Variants in FANCA observed in about 807,000 individuals in gnomAD.
FANCA encodes the protein Fanconi anemia group A protein.
FANCA carries 236 observed loss-of-function variants against 194.3 expected under a neutral mutation model. The observed-to-expected ratio is 1.21, with a 90% CI of 1.09 to 1.35. FANCA has a LOEUF of 1.35. Among genes scored for constraint, FANCA ranks in the 40% most tolerant of loss-of-function variants. The pLI, the probability that FANCA is intolerant of heterozygous loss-of-function variation, is 0.00. For synonymous variants in FANCA, 1,014 were observed against 715.8 expected (o/e 1.42, Z -6.65); for missense variants, 2,628 against 1,813.9 (o/e 1.45, Z -8.15).
chr16:89,810,065 G>T (rs2040817222), intron 5 of FANCA, among the ~76,000 whole-genome samples: 1 of 151,780 alleles, frequency 6.6e-6, no homozygotes. Context: ...GCTCACACTT[G>T]TAATCCCAGC....
chr16:89,775,887 C>A (rs1375332371), intron 20 of FANCA, 72 bp from the exon 21 acceptor site: 16 of 928,212 alleles, frequency 1.7e-5, no homozygotes, highest in Non-Finnish European at 2.4e-5. Context: ...ATCCCCAAAT[C>A]TATTATAAAA....
At chr16:89,752,854 C>T (rs2038643970) in intron 30 of FANCA, among the ~76,000 whole-genome samples, 1 of 152,168 alleles carries the variant, frequency 6.6e-6, no homozygotes, top group Non-Finnish European at 1.5e-5. Context: ...CAAGGAACAA[C>T]ACCCACTACT....
Position 89,774,729 on chromosome 16 carries a change from C to CAAAAAAAAA in FANCA, c.1900+1004_1900+1012dup, listed in dbSNP as rs780078944. ...TGGGCAACAGAGCGAGACTCTGTCT[C>CAAAAAAAAA]AAAAAAAAAAAAAAAAAAAAAAAAA... On this transcript the variant is annotated intron_variant, in intron 21 of 42. Transcript: ENST00000389301. Among the ~76,000 whole-genome samples, 4 of 22,196 alleles carry CAAAAAAAAA rather than the reference C, an allele frequency of 1.8e-4. 1 individual carries two copies. Among genetic ancestry groups the CAAAAAAAAA allele is most frequent in the Non-Finnish European group, 3.3e-4 (4 of 12,282 alleles). The allele number at this position is 22,196 out of a possible 152,430, so 14.6% of individuals were successfully genotyped here.
In FANCA at chr16:89,785,853, G is replaced by GTTTTTTTT. The variant is rs370594051; in HGVS notation, c.1360-890_1360-889insAAAAAAAA. Among the ~76,000 whole-genome samples the GTTTTTTTT allele has an allele frequency of 3.4e-4, 38 of 113,170 alleles. 8 individuals carry two copies. Among genetic ancestry groups the GTTTTTTTT allele is most frequent in the African/African-American group, 6.9e-4 (19 of 27,440 alleles). 74.2% of individuals were successfully genotyped at this position (113,170 alleles called of 152,430 possible). On this transcript the variant is annotated intron_variant, in intron 14 of 42. Coordinates refer to ENST00000389301, the MANE Select transcript of FANCA (RefSeq NM_000135.4). ...TCTTTCTGAAAGCGTGCAAAATTGT[G>GTTTTTTTT]TTTTGTTTTTTTTTTTTTGGAGACA... is the stretch of plus-strand genomic sequence containing the variant.
At position 89,783,443 on chromosome 16, in the gene FANCA, C is replaced by T. The variant is rs1282678130; in HGVS notation, c.1471-341G>A. 7.3e-5 allele frequency among the ~76,000 whole-genome samples: 11 copies of T among 151,378 alleles called. No individual in the cohort carries two copies. In the East Asian group the frequency reaches 1.4e-3, roughly 19 times the overall value. On this transcript the variant is annotated intron_variant, in intron 15 of 42. Coordinates refer to ENST00000389301, the MANE Select transcript of FANCA (RefSeq NM_000135.4). ...GTGGGCACCAGTAGTCCCAGCTACTCGGGAGACTGAGGCAGGAGAATGGCG... is the reference window on the plus strand; with the variant it reads ...GTGGGCACCAGTAGTCCCAGCTACTTGGGAGACTGAGGCAGGAGAATGGCG...
In FANCA at chr16:89,750,798, A is replaced by C. The variant is rs186453737; in HGVS notation, c.3067-896T>G. Among the ~76,000 whole-genome samples, 453 of 152,142 alleles carry C rather than the reference A, an allele frequency of 3.0e-3. 2 individuals carry two copies. Among genetic ancestry groups the C allele is most frequent in the East Asian group, 0.012 (63 of 5,160 alleles). On this transcript the variant is annotated intron_variant, in intron 31 of 42. Coordinates refer to ENST00000389301, the MANE Select transcript of FANCA (RefSeq NM_000135.4). ...ACAAAACAAAACAAAACAACAACAA[A>C]AAAAAACAGCAGGAGGACACTCATG...
chr16:89,803,615 G>A (rs529339685), intron 7 of FANCA, among the ~76,000 whole-genome samples: 16 of 147,122 alleles, frequency 1.1e-4, no homozygotes, highest in Non-Finnish European at 1.9e-4. Flanking sequence ...TTTATAGTCA[G>A]ATTTTTTTCT....
intron 14 of FANCA, 37 bp downstream of exon 14, chr16:89,791,366 G>C (rs374382750): frequency 1.9e-6 from 3 of 1,610,502 alleles, no homozygotes; most frequent in African/African-American, 1.3e-5. Context: ...CTTCTGGGAA[G>C]ATCAGGTATT....
intron 14 of FANCA, among the ~76,000 whole-genome samples, chr16:89,787,263 C>A (rs2039929074): frequency 6.6e-6 from 1 of 152,160 alleles, no homozygotes; most frequent in African/African-American, 2.4e-5. Context: ...GTGGCTAGCG[C>A]CTGTGATCCC....
intron 29 of FANCA, among the ~76,000 whole-genome samples, chr16:89,759,318 T>TTAAAAAAAAAA (rs1224981781): frequency 0.01 from 756 of 75,212 alleles, 209 homozygotes; most frequent in Middle Eastern, 0.014. Context: ...AGACTCCGTC[T>TTAAAAAAAAAA]AAAAAAAAAA....
Position 89,810,973 on chromosome 16 carries a change from G to T in FANCA, c.382C>A (p.Pro128Thr), listed in dbSNP as rs763338641. ...ASSVGQICTA[P>T]AETSHPVLLT... is the part of the protein sequence containing the mutation. The stretch of plus-strand genomic sequence containing the variant: ...AGCACAGGGTGACTGGTCTCCGCTG[G>T]AGCCGTGCAGATCTGTCCCACGCTA... The change falls in exon 4 of 43, where the codon CCA becomes ACA. Residue 128 changes from proline (P) to threonine (T), a missense_variant. Transcript: ENST00000389301. The T allele has an allele frequency of 1.2e-6, 2 of 1,613,958 alleles. No homozygotes were observed. The highest frequency in any genetic ancestry group is 1.7e-6 in the Non-Finnish European group (2 of 1,180,046).
chr16:89,769,719 A>AAAG (rs2039255004), intron 26 of FANCA, 118 bp downstream of exon 26: 1 of 1,163,846 alleles, frequency 8.6e-7, no homozygotes, highest in African/African-American at 1.5e-5. Context: ...AAAATGCTAA[A>AAAG]AAGTGGTTAT....
At chr16:89,773,478 G>A (rs776720858) in intron 21 of FANCA, 94 bp from the exon 22 acceptor site, 4 of 922,150 alleles carry the variant, frequency 4.3e-6, no homozygotes, top group Non-Finnish European at 6.8e-6. Context: ...ACAGAGCTGT[G>A]AACTTCCAAG....
chr16:89,813,806 CTGTGTGTGTGTG>C (rs71137678), intron 3 of FANCA, among the ~76,000 whole-genome samples: 3 of 149,432 alleles, frequency 2.0e-5, no homozygotes, highest in Non-Finnish European at 4.5e-5. Context: ...AAGTCTTTTA[CTGTGTGTGTGTG>C]TGTGTGTGTG....
chr16:89,770,361 T>C lies in FANCA; in HGVS notation c.2223-102A>G. The C allele has an allele frequency of 2.5e-6, 3 of 1,186,334 alleles. No individual in the cohort carries two copies. The East Asian group carries it at 7.6e-5, about 30-fold the overall frequency. 73.5% of individuals were successfully genotyped at this position (1,186,334 alleles called of 1,614,324 possible). On this transcript the variant is annotated intron_variant, in intron 24 of 42. Transcript: ENST00000389301. The stretch of plus-strand genomic sequence containing the variant: ...AGCGGCCGAAGAAAGAGCCAAGCTG[T>C]TCCCCAAAACAGTGGTCTTTCTGGA...
Position 89,811,451 on chromosome 16 carries a change from G to A in FANCA, c.284-380C>T, listed in dbSNP as rs572755029. 2.6e-5 allele frequency among the ~76,000 whole-genome samples: 4 copies of A among 152,346 alleles called. No individual in the cohort carries two copies. In the South Asian group the frequency reaches 6.2e-4, roughly 24 times the overall value. The stretch of plus-strand genomic sequence containing the variant: ...ACATTGTTTTTCTAATTACTTCAGA[G>A]ATAAGCCTGCCCCTGTTGACTCACA... On this transcript the variant is annotated intron_variant, in intron 3 of 42. Coordinates refer to ENST00000389301, the MANE Select transcript of FANCA (RefSeq NM_000135.4).
At chr16:89,811,134 A>T (rs1217556979) in intron 3 of FANCA, 63 bp from the exon 4 acceptor site, 1 of 1,608,366 alleles carries the variant, frequency 6.2e-7, no homozygotes, top group Non-Finnish European at 8.5e-7. Flanking sequence ...AAAACCAAAG[A>T]CTTGCTGTTT....
intron 20 of FANCA, 51 bp from the exon 21 acceptor site, chr16:89,775,866 T>G (rs369936508): frequency 9.2e-6 from 11 of 1,191,778 alleles, no homozygotes; most frequent in Non-Finnish European, 1.4e-5. Flanking sequence ...TTAAATTAAT[T>G]CAAGATTACA....
intron 8 of FANCA, among the ~76,000 whole-genome samples, chr16:89,802,107 G>A (rs1030792395): frequency 4.6e-5 from 7 of 152,062 alleles, no homozygotes; most frequent in African/African-American, 1.4e-4. Context: ...TACACACAAC[G>A]GAATACTGGT....
Sources: allele counts gnomAD v4.1 joint callset (sites outside exome capture counted in the v4.1 genomes callset), GRCh38; gene constraint gnomAD v4.1.1; transcripts MANE v1.5; gene names NCBI Gene and HGNC (gene_info 2026-07-23, HGNC 2026-07-21).